Variants in AHRR observed in about 807,000 individuals in gnomAD.
AHRR encodes the protein aryl hydrocarbon receptor repressor.
A neutral mutation model predicts 44.0 loss-of-function variants in AHRR; 28 were observed. The observed-to-expected ratio is 0.64, with a 90% CI of 0.47 to 0.87. The LOEUF (loss-of-function observed/expected upper bound fraction) is 0.87, where lower values mean the gene tolerates loss of function less well. Among genes scored for constraint, AHRR ranks in the 40% least tolerant of loss-of-function variants. AHRR has a pLI of 0.00. For synonymous variants in AHRR, 434 were observed against 407.0 expected (o/e 1.07, Z -0.80); for missense variants, 990 against 953.9 (o/e 1.04, Z -0.50).
At position 344,399 on chromosome 5, in the gene AHRR, GA is replaced by G. The variant is rs1438365825; in HGVS notation, c.62+436del. Among the ~76,000 whole-genome samples, 36 of 34,596 alleles carry G rather than the reference GA, an allele frequency of 1.0e-3. 4 individuals are homozygous for G. Among genetic ancestry groups the G allele is most frequent in the Non-Finnish European group, 1.5e-3 (21 of 14,222 alleles). The allele number at this position is 34,596 out of a possible 152,430, so 22.7% of individuals were successfully genotyped here. A position where few individuals can be genotyped will look rare whatever the true frequency, so the allele number is the denominator to read the frequency against. ...GCGAGGCTGTGTGTCTGCGGGTGGGGAGGGCTGCGGGGGTGTGTGCGGTATG... is the reference window on the plus strand; with the variant it reads ...GCGAGGCTGTGTGTCTGCGGGTGGGGGGGCTGCGGGGGTGTGTGCGGTATG... On this transcript the variant is annotated intron_variant, in intron 2 of 10. Coordinates refer to ENST00000684583, the MANE Select transcript of AHRR (RefSeq NM_001377236.1).
At chr5:373,504 C>T (rs1368022833) in intron 3 of AHRR, among the ~76,000 whole-genome samples, 1 of 152,210 alleles carries the variant, frequency 6.6e-6, no homozygotes, top group Non-Finnish European at 1.5e-5. Context: ...CGGTGATGGC[C>T]CACCTTTCTC....
intron 3 of AHRR, among the ~76,000 whole-genome samples, chr5:359,548 A>C (rs1401408987): frequency 7.9e-5 from 12 of 152,176 alleles, no homozygotes; most frequent in Admixed American, 7.9e-4. Context: ...CAAAGTAGGG[A>C]GGAGAGAAGG....
intron 7 of AHRR, among the ~76,000 whole-genome samples, chr5:425,588 G>A (rs186012900): frequency 2.6e-5 from 4 of 152,230 alleles, no homozygotes; most frequent in Admixed American, 6.5e-5. Context: ...AATGTTGTTC[G>A]TTTTTTAAAA....
At position 344,116 on chromosome 5, in the gene AHRR, G is replaced by C. The variant is rs932856219; in HGVS notation, c.62+152G>C. On this transcript the variant is annotated intron_variant, in intron 2 of 10. Transcript: ENST00000684583. ...GGGGCTGAGCTCCGGCGCGGGCGGC[G>C]CAGGAGTCGTCTCCCCGCAGCGCCC... 27 of 746,960 alleles carry C rather than the reference G, an allele frequency of 3.6e-5. No homozygotes were observed. The African/African-American group carries it at 4.4e-4, about 12-fold the overall frequency. 46.3% of individuals were successfully genotyped at this position (746,960 alleles called of 1,614,324 possible).
At chr5:403,462 G>C (rs6870149) in intron 4 of AHRR, among the ~76,000 whole-genome samples, 52 of 151,786 alleles carry the variant, frequency 3.4e-4, no homozygotes, top group Non-Finnish European at 6.2e-4. Context: ...ATGGTGAAAC[G>C]CTGTCTCTAC....
intron 4 of AHRR, among the ~76,000 whole-genome samples, chr5:399,480 A>G (rs991571825): frequency 4.6e-5 from 7 of 152,228 alleles, no homozygotes; most frequent in Non-Finnish European, 1.0e-4. Flanking sequence ...TTGCCTGTCC[A>G]GCACAGCCAT....
chr5:340,998 C>G (rs1025190150), intron 1 of AHRR, among the ~76,000 whole-genome samples: 1 of 147,764 alleles, frequency 6.8e-6, no homozygotes, highest in African/African-American at 2.5e-5. Flanking sequence ...GCACCCAGCT[C>G]TATAATTTTT....
At chr5:363,763 C>A (rs1010866794) in intron 3 of AHRR, among the ~76,000 whole-genome samples, 1 of 152,196 alleles carries the variant, frequency 6.6e-6, no homozygotes, top group Non-Finnish European at 1.5e-5. Context: ...AGCTGCCCAT[C>A]CCTCTCATGG....
chr5:351,164 A>G lies in AHRR; in HGVS notation c.63-2566A>G, dbSNP rs527981584. Among the ~76,000 whole-genome samples the G allele has an allele frequency of 6.6e-5, 10 of 152,348 alleles. No homozygotes were observed. In the East Asian group the frequency reaches 1.2e-3, roughly 18 times the overall value. ...TGCTACATTGCCGATGGGAAAGTAA[A>G]ATAGCGCAGCCACCATGGAAAGCAG... is the stretch of plus-strand genomic sequence containing the variant. On this transcript the variant is annotated intron_variant, in intron 2 of 10. Transcript: ENST00000684583.
intron 9 of AHRR, 47 bp from the exon 10 acceptor site, chr5:432,759 C>T (rs1478550928): frequency 6.2e-7 from 1 of 1,613,600 alleles, no homozygotes; most frequent in Non-Finnish European, 8.5e-7. Flanking sequence ...TCCAGGAGCT[C>T]CTCAGCTCGC....
In AHRR at chr5:406,333, G is replaced by A. The variant is rs1485722811; in HGVS notation, c.352-7011G>A. ...AGGGACCAGTCCAGAATGGCCCCAC[G>A]TCAGGAGAAAGAGTCCCCAATCCCC... On this transcript the variant is annotated intron_variant, in intron 4 of 10. Transcript: ENST00000684583. The surrounding 1 kb of genome is among the most constrained non-coding windows in gnomAD (Gnocchi z 4.7). 6.6e-6 allele frequency among the ~76,000 whole-genome samples: 1 copy of A among 152,200 alleles called. No homozygotes were observed. Among genetic ancestry groups the A allele is most frequent in the Non-Finnish European group, 1.5e-5 (1 of 68,032 alleles).
In AHRR at chr5:329,201, T is replaced by C. The variant is rs190199516; in HGVS notation, c.-11+7382T>C. On this transcript the variant is annotated intron_variant, in intron 1 of 10. Transcript: ENST00000684583. Reference sequence around the variant, plus strand: ...TTTTCTCTTTTCTTCTCCTCCTCCTTCTTCTCTCTTTTTTGCTTCGAGATG... The same window carrying C: ...TTTTCTCTTTTCTTCTCCTCCTCCTCCTTCTCTCTTTTTTGCTTCGAGATG... 1.3e-3 allele frequency among the ~76,000 whole-genome samples: 201 copies of C among 152,276 alleles called. 1 individual carries two copies. The Middle Eastern group carries it at 0.017, about 13-fold the overall frequency.
At chr5:399,246 G>A (rs111875483) in intron 4 of AHRR, among the ~76,000 whole-genome samples, 1 of 152,226 alleles carries the variant, frequency 6.6e-6, no homozygotes, top group Non-Finnish European at 1.5e-5. Context: ...CTTAGGGATC[G>A]GCAGGGGTGG....
At chr5:421,442 C>A (rs996875000) in intron 5 of AHRR, 2 of 539,340 alleles carry the variant, frequency 3.7e-6, no homozygotes, top group Admixed American at 7.2e-5. Flanking sequence ...TCGCGGGTGC[C>A]GGCGATGCCC....
At chr5:340,565 C>T (rs1439316606) in intron 1 of AHRR, among the ~76,000 whole-genome samples, 1 of 148,210 alleles carries the variant, frequency 6.7e-6, no homozygotes, top group Non-Finnish European at 1.5e-5. Flanking sequence ...TTACCTTAAT[C>T]ACCTATGAGG....
At chr5:334,530 T>C (rs1220589259) in intron 1 of AHRR, among the ~76,000 whole-genome samples, 1 of 152,058 alleles carries the variant, frequency 6.6e-6, no homozygotes, top group Admixed American at 6.6e-5. Flanking sequence ...GTATTTTGTA[T>C]TTCTGGTTTT....
At chr5:336,095 C>G (rs1342221878) in intron 1 of AHRR, among the ~76,000 whole-genome samples, 1 of 152,226 alleles carries the variant, frequency 6.6e-6, no homozygotes, top group Non-Finnish European at 1.5e-5. Context: ...GCTTAAATTT[C>G]AGAAAGGGTA....
chr5:343,772 G>C (rs1742454036), intron 1 of AHRR, 121 bp from the exon 2 acceptor site: 2 of 965,830 alleles, frequency 2.1e-6, no homozygotes, highest in Admixed American at 5.1e-5. Flanking sequence ...GCAGGAGGTG[G>C]GGGCCTCGCG....
rs372629283 is a variant in AHRR, at chr5:418,797, G to C, written c.442-3932G>C. The C allele has an allele frequency of 2.6e-5, 4 of 152,596 alleles. No homozygotes were observed. The East Asian group carries it at 7.7e-4, about 29-fold the overall frequency. 9.5% of individuals were successfully genotyped at this position (152,596 alleles called of 1,614,324 possible). A position where few individuals can be genotyped will look rare whatever the true frequency, so the allele number is the denominator to read the frequency against. On this transcript the variant is annotated intron_variant, in intron 5 of 10. Coordinates refer to ENST00000684583, the MANE Select transcript of AHRR (RefSeq NM_001377236.1). ...CAGAAGATGCAGGGCCTCATGATCT[G>C]GCGCAGCACCAGCTACTGTGAGGAC...
Sources: gnomAD v4.1 joint callset for allele counts (sites outside exome capture counted in the v4.1 genomes callset) on GRCh38, gnomAD v4.1.1 for gene constraint, Gnocchi (gnomAD v3.1) non-coding constraint, MANE v1.5 for transcripts, NCBI Gene and HGNC (gene_info 2026-07-23, HGNC 2026-07-21) for gene names.